The following VGLL3 variants were observed in gnomAD, a reference collection of about 807,000 sequenced individuals.
VGLL3 encodes vestigial like family member 3.
Under a neutral mutation model 29.2 loss-of-function variants are expected in VGLL3, and 18 were observed. The ratio of observed to expected loss-of-function variants is 0.62; its 90% CI spans 0.43 to 0.91. VGLL3 has a LOEUF of 0.91. Ranked by LOEUF, VGLL3 falls within the 40% of genes least tolerant of loss-of-function variation. The pLI, the probability that VGLL3 is intolerant of heterozygous loss-of-function variation, is 0.00. For synonymous variants in VGLL3, 180 were observed against 151.8 expected, an observed-to-expected ratio of 1.19 and a Z score of -1.36; for missense variants, 440 against 413.2, an observed-to-expected ratio of 1.06 and a Z score of -0.56.
Position 86,954,371 on chromosome 3 carries a change from C to G in VGLL3, c.938-7304G>C, listed in dbSNP as rs573801505. ...GTGTTTCCCAGACCCAGACAGCAAG[C>G]CACTTTATTCTGTTTGCTCTCTCAG... On this transcript the variant is annotated intron_variant, in intron 3 of 3. Coordinates refer to ENST00000398399, the MANE Select transcript of VGLL3 (RefSeq NM_016206.4). Among the ~76,000 whole-genome samples the G allele has an allele frequency of 8.5e-5, 13 of 152,266 alleles. No individual in the cohort carries two copies. The South Asian group carries it at 2.7e-3, about 32-fold the overall frequency.
In VGLL3 at chr3:86,938,053, T is replaced by C. The variant is rs565716147; in HGVS notation, c.*8971A>G. 6 of 152,348 alleles carry C rather than the reference T, an allele frequency of 3.9e-5. No individual in the cohort carries two copies. The highest frequency in any genetic ancestry group is 3.3e-4 in the Admixed American group (5 of 15,302). The allele number at this position is 152,348 out of a possible 1,614,324, so 9.4% of individuals were successfully genotyped here. A position where few individuals can be genotyped will look rare whatever the true frequency, so the allele number is the denominator to read the frequency against. On this transcript the variant is annotated 3_prime_UTR_variant, in exon 4 of 4. Coordinates refer to ENST00000398399, the MANE Select transcript of VGLL3 (RefSeq NM_016206.4). The stretch of plus-strand genomic sequence containing the variant: ...AGCATGATATCATGTCACCCATTGA[T>C]CCTTGATTAGTCCTGAAGTTATCAA...
chr3:86,969,857 A>G (rs941665854), intron 2 of VGLL3, among the ~76,000 whole-genome samples: 7 of 152,180 alleles, frequency 4.6e-5, no homozygotes, highest in South Asian at 4.1e-4. Flanking sequence ...CCTATGGGGT[A>G]GTTATTGTTA....
At chr3:86,958,718 C>CTTTTTT (rs1389023829) in intron 3 of VGLL3, among the ~76,000 whole-genome samples, 3 of 152,182 alleles carry the variant, frequency 2.0e-5, no homozygotes, top group Non-Finnish European at 4.4e-5. Context: ...CATCCAGTTA[C>CTTTTTT]TTTTCATGCA....
intron 1 of VGLL3, among the ~76,000 whole-genome samples, chr3:86,981,618 A>G (rs1366847933): frequency 1.3e-5 from 2 of 152,010 alleles, no homozygotes; most frequent in East Asian, 3.8e-4. Flanking sequence ...AATTTTTTGT[A>G]ATGATTATAT....
At position 86,946,021 on chromosome 3, in the gene VGLL3, C is replaced by T. The variant is rs1704499077; in HGVS notation, c.*1003G>A. The stretch of plus-strand genomic sequence containing the variant: ...ACTTAAAATATGACTTTTTAAATTG[C>T]CATGAATGAATAATTAAAAACAAGT... On this transcript the variant is annotated 3_prime_UTR_variant, in exon 4 of 4. Coordinates refer to ENST00000398399, the MANE Select transcript of VGLL3 (RefSeq NM_016206.4). 3 of 152,058 alleles carry T rather than the reference C, an allele frequency of 2.0e-5. No individual in the cohort carries two copies. The highest frequency in any genetic ancestry group is 4.8e-5 in the African/African-American group (2 of 41,406). The allele number at this position is 152,058 out of a possible 1,614,324, so 9.4% of individuals were successfully genotyped here.
rs760996067 is a variant in VGLL3, at chr3:86,990,705, A to G, written c.39T>C (p.Tyr13=). The change falls in exon 1 of 4, where the codon TAT becomes TAC. Residue 13 remains tyrosine, a synonymous_variant. Transcript: ENST00000398399. ...CAEVMYHPQP[Y]GASQYLPNPM... ...GGTTGGGCAGATACTGGGACGCTCC[A>G]TAAGGCTGGGGGTGATACATCACCT... 2 of 1,427,090 alleles carry G rather than the reference A, an allele frequency of 1.4e-6. No individual in the cohort carries two copies. The highest frequency in any genetic ancestry group is 9.2e-7 in the Non-Finnish European group (1 of 1,089,632). 88.4% of individuals were successfully genotyped at this position (1,427,090 alleles called of 1,614,324 possible).
In VGLL3 at chr3:86,943,261, A is replaced by T. The variant is rs1575855405; in HGVS notation, c.*3763T>A. On this transcript the variant is annotated 3_prime_UTR_variant, in exon 4 of 4. Transcript: ENST00000398399. Reference sequence around the variant, plus strand: ...TCCACCACTTAACGCCACTGCCCCCATCGGCTTAATTCAGCAAACACTATT... The same window carrying T: ...TCCACCACTTAACGCCACTGCCCCCTTCGGCTTAATTCAGCAAACACTATT... The T allele has an allele frequency of 2.0e-5, 3 of 152,290 alleles. No individual in the cohort carries two copies. In the South Asian group the frequency reaches 6.2e-4, roughly 32 times the overall value. 9.4% of individuals were successfully genotyped at this position (152,290 alleles called of 1,614,324 possible).
intron 3 of VGLL3, among the ~76,000 whole-genome samples, chr3:86,956,757 C>G (rs984538055): frequency 2.1e-5 from 3 of 146,072 alleles, no homozygotes; most frequent in African/African-American, 7.6e-5. Context: ...TGCACTCCAG[C>G]CTGGGCGACA....
chr3:86,972,924 A>G (rs529452227), intron 2 of VGLL3, among the ~76,000 whole-genome samples: 1 of 152,356 alleles, frequency 6.6e-6, no homozygotes, highest in Admixed American at 6.5e-5. Context: ...AAATGATAAT[A>G]TTGATACATT....
intron 1 of VGLL3, 184 bp downstream of exon 1, chr3:86,990,434 C>A: frequency 1.0e-6 from 1 of 978,496 alleles, no homozygotes; most frequent in Non-Finnish European, 1.2e-6. Flanking sequence ...GCCTCACCCA[C>A]CCGTCCACCC....
intron 1 of VGLL3, among the ~76,000 whole-genome samples, chr3:86,984,202 A>G (rs1280241942): frequency 6.6e-6 from 1 of 152,210 alleles, no homozygotes. Context: ...GACAAATCAG[A>G]TACATAAAAC....
intron 3 of VGLL3, among the ~76,000 whole-genome samples, chr3:86,954,762 T>A (rs1175733351): frequency 1.3e-5 from 2 of 152,132 alleles, no homozygotes; most frequent in East Asian, 3.9e-4. Context: ...GTGACTTCAA[T>A]TTCAAAAGCA....
chr3:86,971,412 C>G (rs1045446709), intron 2 of VGLL3, among the ~76,000 whole-genome samples: 5 of 152,204 alleles, frequency 3.3e-5, no homozygotes, highest in African/African-American at 1.2e-4. Context: ...CAGCTATTCA[C>G]AGTCAATTCC....
At chr3:86,948,100 G>A (rs1399844715) in intron 3 of VGLL3, among the ~76,000 whole-genome samples, 1 of 152,100 alleles carries the variant, frequency 6.6e-6, no homozygotes, top group Non-Finnish European at 1.5e-5. Flanking sequence ...ACCTGTTTTA[G>A]TTCTCTTTGT....
At chr3:86,950,326 T>C (rs1704591507) in intron 3 of VGLL3, among the ~76,000 whole-genome samples, 1 of 152,306 alleles carries the variant, frequency 6.6e-6, no homozygotes, top group Non-Finnish European at 1.5e-5. Context: ...GCTAAGTGCT[T>C]TATATGAAAC....
In VGLL3 at chr3:86,968,729, T is replaced by C; in HGVS notation, c.798A>G (p.Ser266=). The change falls in exon 3 of 4, where the codon TCA becomes TCG. Residue 266 remains serine, a synonymous_variant. Transcript: ENST00000398399. ...GAGCAGGAATCCTGGCCGCATGCAC[T>C]GAAGGCATCAGCAGAGGCCCATAGG... ...DPSYGPLLMP[S]VHAARIPAPQ... is the part of the protein sequence containing the mutation. The C allele has an allele frequency of 6.2e-7, 1 of 1,614,124 alleles. No homozygotes were observed.
At position 86,940,317 on chromosome 3, in the gene VGLL3, A is replaced by G. The variant is rs1055584123; in HGVS notation, c.*6707T>C. ...AGTCCCTGTCAACAAATGTAAAAAC[A>G]ATAAAATACACCTTGGTCAACCAAT... On this transcript the variant is annotated 3_prime_UTR_variant, in exon 4 of 4. Transcript: ENST00000398399. 10 of 152,654 alleles carry G rather than the reference A, an allele frequency of 6.6e-5. No homozygotes were observed. The highest frequency in any genetic ancestry group is 2.9e-5 in the Non-Finnish European group (2 of 68,028). 9.5% of individuals were successfully genotyped at this position (152,654 alleles called of 1,614,324 possible). A position where few individuals can be genotyped will look rare whatever the true frequency, so the allele number is the denominator to read the frequency against.
At chr3:86,981,647 A>C (rs77924296) in intron 1 of VGLL3, among the ~76,000 whole-genome samples, 13,114 of 151,472 alleles carry the variant, frequency 0.087, 1,513 homozygotes, top group African/African-American at 0.26. Flanking sequence ...TTTTCTTTTT[A>C]TCTCTCTCGA....
intron 3 of VGLL3, among the ~76,000 whole-genome samples, chr3:86,953,358 T>C (rs1406656546): frequency 2.0e-5 from 3 of 152,126 alleles, no homozygotes; most frequent in Non-Finnish European, 2.9e-5. Context: ...GCACAATATT[T>C]ATTCTATAGT....
Sources: allele counts gnomAD v4.1 joint callset (sites outside exome capture counted in the v4.1 genomes callset), GRCh38; gene constraint gnomAD v4.1.1; transcripts MANE v1.5; gene names NCBI Gene and HGNC (gene_info 2026-07-23, HGNC 2026-07-21).